The following PDE4D variants were observed in gnomAD, a reference collection of about 807,000 sequenced individuals.
PDE4D encodes the protein phosphodiesterase 4D, also known as 3',5'-cyclic-AMP phosphodiesterase 4D.
Under a neutral mutation model 87.4 loss-of-function variants are expected in PDE4D, and 24 were observed. The ratio of observed to expected loss-of-function variants is 0.27; its 90% CI spans 0.20 to 0.39. PDE4D has a LOEUF of 0.39. PDE4D is among the 10% of genes least tolerant of loss of function. The pLI is 1.00. For missense variants in PDE4D, 714 were observed against 1,041.0 expected, an observed-to-expected ratio of 0.69 and a Z score of 4.32; for synonymous variants, 384 against 383.2, an observed-to-expected ratio of 1.00 and a Z score of -0.02.
chr5:59,769,827 C>CA (rs1335872184), intron 1 of PDE4D, among the ~76,000 whole-genome samples: 4 of 126,364 alleles, frequency 3.2e-5, no homozygotes, highest in Non-Finnish European at 5.2e-5. Flanking sequence ...TAGGGAGCTA[C>CA]AAAATGCATC....
intron 1 of PDE4D, among the ~76,000 whole-genome samples, chr5:60,309,418 G>T (rs942841535): frequency 4.6e-5 from 7 of 152,092 alleles, no homozygotes; most frequent in South Asian, 4.2e-4. Flanking sequence ...GGAAACCAGT[G>T]GATCCTGAAA....
chr5:60,232,209 C>T (rs1745895897), intron 1 of PDE4D, among the ~76,000 whole-genome samples: 1 of 151,810 alleles, frequency 6.6e-6, no homozygotes, highest in Non-Finnish European at 1.5e-5. Context: ...AGTTTAGTAA[C>T]ATTAAGACAC....
intron 2 of PDE4D, among the ~76,000 whole-genome samples, chr5:60,038,920 T>G (rs1279792451): frequency 6.6e-6 from 1 of 150,774 alleles, no homozygotes; most frequent in Non-Finnish European, 1.5e-5. Context: ...TGGTGATCAT[T>G]AAAAAGTCAG....
At chr5:59,747,780 C>A (rs996522225) in intron 1 of PDE4D, among the ~76,000 whole-genome samples, 2 of 152,164 alleles carry the variant, frequency 1.3e-5, no homozygotes, top group African/African-American at 4.8e-5. Flanking sequence ...ACAATCAGCA[C>A]TCCCATTAAG....
intron 1 of PDE4D, among the ~76,000 whole-genome samples, chr5:60,498,216 CAG>C (rs1749910519): frequency 6.6e-6 from 1 of 151,698 alleles, no homozygotes; most frequent in Non-Finnish European, 1.5e-5. Flanking sequence ...ATGCCCCAGA[CAG>C]AGTCAGACCA....
chr5:59,920,763 GA>G (rs1048950013), intron 3 of PDE4D, among the ~76,000 whole-genome samples: 3 of 148,158 alleles, frequency 2.0e-5, no homozygotes, highest in Admixed American at 7.0e-5. Flanking sequence ...AGCAAGGACA[GA>G]AAACCAAACA....
intron 2 of PDE4D, among the ~76,000 whole-genome samples, chr5:59,998,184 A>G (rs1351942391): frequency 6.6e-6 from 1 of 152,212 alleles, no homozygotes; most frequent in Non-Finnish European, 1.5e-5. Flanking sequence ...TCATAGTTTT[A>G]GCCCAAATGT....
At position 59,784,879 on chromosome 5, in the gene PDE4D, C is replaced by G. The variant is rs529705694; in HGVS notation, c.455+108289G>C. Among the ~76,000 whole-genome samples the G allele has an allele frequency of 4.6e-5, 7 of 152,146 alleles. No homozygotes were observed. In the South Asian group the frequency reaches 1.5e-3, roughly 32 times the overall value. On this transcript the variant is annotated intron_variant, in intron 1 of 14. Coordinates refer to ENST00000340635, the MANE Select transcript of PDE4D (RefSeq NM_001104631.2). Reference sequence around the variant, plus strand: ...GAATAAGTCTCACAAGATCTGATGGCTTTATAAGGGGAAACCCCTTTTTCA... The same window carrying G: ...GAATAAGTCTCACAAGATCTGATGGGTTTATAAGGGGAAACCCCTTTTTCA...
At chr5:60,423,241 A>T (rs147172448) in intron 1 of PDE4D, among the ~76,000 whole-genome samples, 4,163 of 152,324 alleles carry the variant, frequency 0.027, 91 homozygotes, top group Middle Eastern at 0.078. Flanking sequence ...CAGAATATAC[A>T]TTCTTCTCAG....
intron 5 of PDE4D, among the ~76,000 whole-genome samples, chr5:59,077,886 A>G (rs1445702408): frequency 6.6e-6 from 1 of 152,132 alleles, no homozygotes; most frequent in Non-Finnish European, 1.5e-5. Context: ...CCATTTTGGT[A>G]GTGTATACTG....
intron 1 of PDE4D, among the ~76,000 whole-genome samples, chr5:59,679,221 A>T (rs1175609984): frequency 6.6e-6 from 1 of 152,220 alleles, no homozygotes; most frequent in Non-Finnish European, 1.5e-5. Flanking sequence ...TAATTCCAAT[A>T]TTGCTAAACC....
At chr5:59,274,848 C>T (rs1394641522) in intron 1 of PDE4D, among the ~76,000 whole-genome samples, 2 of 151,308 alleles carry the variant, frequency 1.3e-5, no homozygotes, top group Non-Finnish European at 3.0e-5. Context: ...GAATGATAAG[C>T]AACTTGATAT....
At chr5:59,372,041 A>G (rs1784017119) in intron 1 of PDE4D, among the ~76,000 whole-genome samples, 1 of 152,210 alleles carries the variant, frequency 6.6e-6, no homozygotes, top group Non-Finnish European at 1.5e-5. Context: ...CTCCAGGGAA[A>G]TTTCATTATT....
exon 2 of PDE4D, chr5:60,185,657 G>A (rs1314208839): frequency 1.8e-6 from 2 of 1,110,528 alleles, no homozygotes; most frequent in Non-Finnish European, 2.6e-6. Context: ...TGATCTCACT[G>A]CACGTATCCA....
intron 1 of PDE4D, among the ~76,000 whole-genome samples, chr5:59,381,124 TCCATCAACCC>T (rs1785729903): frequency 6.6e-6 from 1 of 152,144 alleles, no homozygotes. Flanking sequence ...CCACTCCCTT[TCCATCAACCC>T]CCGGAATACT....
chr5:59,987,262 C>T (rs1006872908), intron 3 of PDE4D: 6 of 152,080 alleles, frequency 3.9e-5, no homozygotes, highest in Admixed American at 2.0e-4. Context: ...AAAAAATGTT[C>T]AGGTCAAGCT....
chr5:59,741,107 A>G (rs898623867), intron 1 of PDE4D, among the ~76,000 whole-genome samples: 2 of 152,162 alleles, frequency 1.3e-5, no homozygotes, highest in African/African-American at 4.8e-5. Context: ...GCTCTTCCCA[A>G]TCTCCTTCCG....
At chr5:60,134,219 G>A (rs918215144) in intron 2 of PDE4D, among the ~76,000 whole-genome samples, 12 of 152,094 alleles carry the variant, frequency 7.9e-5, no homozygotes, top group Admixed American at 2.6e-4. Context: ...TATACAGGCT[G>A]AGTGTGGTAC....
At chr5:59,358,063 T>C (rs1174763136) in intron 1 of PDE4D, among the ~76,000 whole-genome samples, 1 of 152,234 alleles carries the variant, frequency 6.6e-6, no homozygotes, top group Non-Finnish European at 1.5e-5. Flanking sequence ...ATCTGTCTCT[T>C]GTACACCAAG....
Sources: gnomAD v4.1 joint callset for allele counts (sites outside exome capture counted in the v4.1 genomes callset) on GRCh38, gnomAD v4.1.1 for gene constraint, MANE v1.5 for transcripts, NCBI Gene and HGNC (gene_info 2026-07-23, HGNC 2026-07-21) for gene names.